The following DAPK3 variants were observed in gnomAD, a reference collection of about 807,000 sequenced individuals.
The protein encoded by DAPK3 is death-associated protein kinase 3.
A neutral mutation model predicts 30.6 loss-of-function variants in DAPK3; 24 were observed. That is an observed-to-expected ratio of 0.78 (90% CI 0.57 to 1.10). The LOEUF (loss-of-function observed/expected upper bound fraction) is 1.10. DAPK3 is among the 50% of genes least tolerant of loss of function. The pLI, the probability that DAPK3 is intolerant of heterozygous loss-of-function variation, is 0.00. For missense variants in DAPK3, 629 were observed against 657.3 expected, an observed-to-expected ratio of 0.96 and a Z score of 0.47; for synonymous variants, 341 against 284.0, an observed-to-expected ratio of 1.20 and a Z score of -2.02.
Position 3,960,909 on chromosome 19 carries a change from C to T in DAPK3, c.782+100G>A, listed in dbSNP as rs2039503458. 2.1e-5 allele frequency: 27 copies of T among 1,313,822 alleles called. No individual in the cohort carries two copies. In the South Asian group the frequency reaches 3.3e-4, roughly 16 times the overall value. The allele number at this position is 1,313,822 out of a possible 1,614,324, so 81.4% of individuals were successfully genotyped here. A position where few individuals can be genotyped will look rare whatever the true frequency, so the allele number is the denominator to read the frequency against. ...GTAAGCAATGTCTGATCCCCAGCCGCAGGGAGGTGGCGCTGGGAGGAGAGT... is the reference window on the plus strand; with the variant it reads ...GTAAGCAATGTCTGATCCCCAGCCGTAGGGAGGTGGCGCTGGGAGGAGAGT... On this transcript the variant is annotated intron_variant, in intron 7 of 8. Transcript: ENST00000545797.
At chr19:3,963,188 G>A (rs1055326431) in intron 6 of DAPK3, among the ~76,000 whole-genome samples, 8 of 152,058 alleles carry the variant, frequency 5.3e-5, no homozygotes, top group Admixed American at 6.6e-5. Context: ...TGGGAGGATT[G>A]CTTAAGTCTG....
rs1419337672 is a variant in DAPK3 at position 3,958,739 on chromosome 19, CT to C, written c.*361del. 2.4e-6 allele frequency: 1 copy of C among 414,134 alleles called. No individual in the cohort carries two copies. The highest frequency in any genetic ancestry group is 3.5e-5 in the Admixed American group (1 of 28,214). 25.7% of individuals were successfully genotyped at this position (414,134 alleles called of 1,614,324 possible). A position where few individuals can be genotyped will look rare whatever the true frequency, so the allele number is the denominator to read the frequency against. The stretch of plus-strand genomic sequence containing the variant: ...GCACCCCGCCGAATTGTCCGTGCAA[CT>C]ACCCGCAAACCCTCCTCCGGGCCTG... On this transcript the variant is annotated 3_prime_UTR_variant, in exon 9 of 9. Coordinates refer to ENST00000545797, the MANE Select transcript of DAPK3 (RefSeq NM_001348.3).
Position 3,963,624 on chromosome 19 carries a change from GC to G in DAPK3, c.629+18del. 5.4e-6 allele frequency: 8 copies of G among 1,494,896 alleles called. No individual in the cohort carries two copies. The highest frequency in any genetic ancestry group is 5.4e-6 in the Non-Finnish European group (6 of 1,117,950). The allele number at this position is 1,494,896 out of a possible 1,614,324, so 92.6% of individuals were successfully genotyped here. A position where few individuals can be genotyped will look rare whatever the true frequency, so the allele number is the denominator to read the frequency against. The stretch of plus-strand genomic sequence containing the variant: ...CCAGCTGTGTTGCACAGCCGAGGGG[GC>G]CCCCGCCAGGTACTCACAGGATATA... On this transcript the variant is annotated intron_variant, in intron 6 of 8. Transcript: ENST00000545797.
At chr19:3,959,860 G>T in intron 8 of DAPK3, 199 bp downstream of exon 8, 1 of 640,470 alleles carries the variant, frequency 1.6e-6, no homozygotes, top group Middle Eastern at 3.8e-4. Flanking sequence ...ACCAGCCAAG[G>T]ATGCCACCAG....
rs1172617683 is a variant in DAPK3, at chr19:3,958,843, A to AGG, written c.*256_*257dup. The AGG allele has an allele frequency of 4.0e-4, 234 of 579,340 alleles. 2 individuals are homozygous for AGG. The East Asian group carries it at 6.8e-3, about 17-fold the overall frequency. The allele number at this position is 579,340 out of a possible 1,614,324, so 35.9% of individuals were successfully genotyped here. A position where few individuals can be genotyped will look rare whatever the true frequency, so the allele number is the denominator to read the frequency against. On this transcript the variant is annotated 3_prime_UTR_variant, in exon 9 of 9. Transcript: ENST00000545797. ...CGGTGCCACAGGCCACGCTGCCTGGAGGGTCCCAGGGTCACCGACGATGCA... is the reference window on the plus strand; with the variant it reads ...CGGTGCCACAGGCCACGCTGCCTGGAGGGGGTCCCAGGGTCACCGACGATGCA...
At chr19:3,969,150 T>G (rs77463429) in intron 2 of DAPK3, among the ~76,000 whole-genome samples, 4 of 151,892 alleles carry the variant, frequency 2.6e-5, no homozygotes, top group African/African-American at 9.7e-5. Context: ...TTTTTTTTTT[T>G]AAATAAATGG....
At chr19:3,970,440 CCTTGCCCTCGGCAGGT>C (rs778549303) in intron 1 of DAPK3, among the ~76,000 whole-genome samples, 6 of 152,058 alleles carry the variant, frequency 3.9e-5, no homozygotes, top group Non-Finnish European at 8.8e-5. Flanking sequence ...CCCTCCTGGT[CCTTGCCCTCGGCAGGT>C]CTCTTAAGAC....
chr19:3,970,720 C>T (rs2039625808), intron 1 of DAPK3: 1 of 152,810 alleles, frequency 6.5e-6, no homozygotes, highest in Non-Finnish European at 1.5e-5. Flanking sequence ...CCTCCACCGT[C>T]CTCTGCCCCT....
At chr19:3,965,276 C>T (rs1022680581) in intron 2 of DAPK3, among the ~76,000 whole-genome samples, 2 of 152,258 alleles carry the variant, frequency 1.3e-5, no homozygotes, top group Non-Finnish European at 2.9e-5. Context: ...ATGGCACCGG[C>T]GTATTTTTGA....
chr19:3,960,123 G>T lies in DAPK3; in HGVS notation c.783-19C>A. On this transcript the variant is annotated intron_variant, in intron 7 of 8. Coordinates refer to ENST00000545797, the MANE Select transcript of DAPK3 (RefSeq NM_001348.3). ...TCTCCGCCTGGAAGACCCCCGCTCTGGTTAGGTACACCTGCACCATCTGTC... is the reference window on the plus strand; with the variant it reads ...TCTCCGCCTGGAAGACCCCCGCTCTTGTTAGGTACACCTGCACCATCTGTC... 2 of 1,441,718 alleles carry T rather than the reference G, an allele frequency of 1.4e-6. No individual in the cohort carries two copies. The highest frequency in any genetic ancestry group is 2.0e-6 in the Non-Finnish European group (2 of 1,023,506). 89.3% of individuals were successfully genotyped at this position (1,441,718 alleles called of 1,614,324 possible). A position where few individuals can be genotyped will look rare whatever the true frequency, so the allele number is the denominator to read the frequency against.
At chr19:3,963,692 G>A in intron 5 of DAPK3, 23 bp from the exon 6 acceptor site, 1 of 1,530,080 alleles carries the variant, frequency 6.5e-7, no homozygotes, top group African/African-American at 1.4e-5. Flanking sequence ...AAGAGGCAAG[G>A]GTCAGCGCAG....
chr19:3,967,363 G>A (rs960653070), intron 2 of DAPK3, among the ~76,000 whole-genome samples: 11 of 152,130 alleles, frequency 7.2e-5, no homozygotes, highest in Admixed American at 7.2e-4. Flanking sequence ...GAGGCAAGGA[G>A]AATCGCTTGA....
chr19:3,959,597 C>G lies in DAPK3; in HGVS notation c.869G>C (p.Arg290Pro). ...CTTCAGGCGCCGCCGCTCGGGCTTG[C>G]GGCCGCTGTCCTCACCACGCACGTT... is the stretch of plus-strand genomic sequence containing the variant. ...RRNVRGEDSG[R>P]KPERRRLKTT... The change falls in exon 9 of 9, where the codon CGC (arginine) becomes CCC (proline). Residue 290 changes from arginine (R) to proline (P), a missense_variant. Arg to Pro is a moderately radical substitution (Grantham distance 103). Around this residue, in one of 2 missense-constraint regions of DAPK3, gnomAD observed 323 missense variants for 278.8 expected, o/e 1.16. Transcript: ENST00000545797. The G allele has an allele frequency of 6.3e-7, 1 of 1,587,368 alleles. No homozygotes were observed. The highest frequency in any genetic ancestry group is 2.3e-5 in the East Asian group (1 of 44,330).
chr19:3,960,180 C>T (rs923861667), intron 7 of DAPK3, 76 bp from the exon 8 acceptor site: 4 of 794,454 alleles, frequency 5.0e-6, no homozygotes, highest in African/African-American at 1.7e-5. Context: ...ACTCCCGGGA[C>T]CCCCAAAAGC....
At chr19:3,967,779 A>G (rs1380455310) in intron 2 of DAPK3, among the ~76,000 whole-genome samples, 1 of 152,156 alleles carries the variant, frequency 6.6e-6, no homozygotes, top group African/African-American at 2.4e-5. Context: ...AAATTGCTAC[A>G]TTCTGGGCCT....
Position 3,964,955 on chromosome 19 carries a change from C to G in DAPK3, c.99G>C (p.Lys33Asn). 1.9e-6 allele frequency: 3 copies of G among 1,611,184 alleles called. No individual in the cohort carries two copies. Among genetic ancestry groups the G allele is most frequent in the Non-Finnish European group, 2.5e-6 (3 of 1,178,534 alleles). Residue 33 changes from lysine (K) to asparagine (N), a missense_variant, in exon 3 of 9, where the codon AAG becomes AAC. Coordinates refer to ENST00000545797, the MANE Select transcript of DAPK3 (RefSeq NM_001348.3). The part of the protein sequence containing the change: ...QFAIVRKCRQ[K>N]GTGKEYAAKF... ...TGGCTGCGTACTCCTTGCCCGTGCC[C>G]TTCTGCCGGCACTTCCGCACGATCG...
At chr19:3,968,306 C>T (rs1281698720) in intron 2 of DAPK3, among the ~76,000 whole-genome samples, 2 of 152,096 alleles carry the variant, frequency 1.3e-5, no homozygotes, top group Non-Finnish European at 1.5e-5. Flanking sequence ...ACCAGCCTGG[C>T]CAACATGGTG....
At chr19:3,960,988 C>A (rs540645570) in intron 7 of DAPK3, 21 bp downstream of exon 7, 5 of 1,611,116 alleles carry the variant, frequency 3.1e-6, no homozygotes, top group South Asian at 1.1e-5. Context: ...CCACCCCGTG[C>A]CCCCTGCCGG....
chr19:3,970,582 T>TC lies in DAPK3; in HGVS notation c.-95+338dup, dbSNP rs952619418. The TC allele has an allele frequency of 3.5e-5, 5 of 141,506 alleles. No individual in the cohort carries two copies. The Admixed American group carries it at 3.6e-4, about 10-fold the overall frequency. 8.8% of individuals were successfully genotyped at this position (141,506 alleles called of 1,614,324 possible). A position where few individuals can be genotyped will look rare whatever the true frequency, so the allele number is the denominator to read the frequency against. On this transcript the variant is annotated intron_variant, in intron 1 of 8. Coordinates refer to ENST00000545797, the MANE Select transcript of DAPK3 (RefSeq NM_001348.3). ...CTCCTGAAAGCCCACTTTGCCTCCC[T>TC]CCCCCGCTGACCTCCACTGTCCTCG...
Sources: allele counts gnomAD v4.1 joint callset (sites outside exome capture counted in the v4.1 genomes callset), GRCh38; gene constraint gnomAD v4.1.1; regional missense constraint gnomAD v4.1.1; transcripts MANE v1.5; gene names NCBI Gene and HGNC (gene_info 2026-07-23, HGNC 2026-07-21).